TMEM255B: variants seen among roughly 807,000 people sequenced by gnomAD.
The protein encoded by TMEM255B is transmembrane protein 255B, also known as family with sequence similarity 70, member B.
A neutral mutation model predicts 34.5 loss-of-function variants in TMEM255B; 35 were observed. The ratio of observed to expected loss-of-function variants is 1.01; its 90% CI spans 0.77 to 1.34. The LOEUF is 1.34. Ranked by LOEUF, TMEM255B falls within the 40% of genes most tolerant of loss-of-function variation. The pLI is 0.00. For missense variants in TMEM255B, 432 were observed against 433.2 expected (o/e 1.00, Z 0.02); for synonymous variants, 206 against 201.2 (o/e 1.02, Z -0.20).
chr13:113,810,891 C>A (rs901518906), intron 8 of TMEM255B, among the ~76,000 whole-genome samples: 2 of 152,174 alleles, frequency 1.3e-5, no homozygotes, highest in Non-Finnish European at 2.9e-5. Flanking sequence ...ATACGTGGGG[C>A]CTTTCCCAAA....
Position 113,812,900 on chromosome 13 carries a change from G to A in TMEM255B, c.*997G>A, listed in dbSNP as rs1355658400. 2.1e-4 allele frequency: 30 copies of A among 143,254 alleles called. No individual in the cohort carries two copies. The highest frequency in any genetic ancestry group is 8.2e-4 in the African/African-American group (30 of 36,618). The allele number at this position is 143,254 out of a possible 1,614,324, so 8.9% of individuals were successfully genotyped here. On this transcript the variant is annotated 3_prime_UTR_variant, in exon 9 of 9. Coordinates refer to ENST00000375353, the MANE Select transcript of TMEM255B (RefSeq NM_182614.4). The stretch of plus-strand genomic sequence containing the variant: ...CCCGAGTGGGTCACAGGCCCCGGGT[G>A]AGTCACAGGCCCCGGGTGAGTCACG...
chr13:113,807,623 G>A (rs530765174), intron 8 of TMEM255B, among the ~76,000 whole-genome samples: 5 of 138,858 alleles, frequency 3.6e-5, no homozygotes, highest in East Asian at 4.4e-4. Context: ...ACGGGATGTG[G>A]GGGGTGGTCC....
intron 2 of TMEM255B, 153 bp downstream of exon 2, chr13:113,766,410 C>T (rs1195119768): frequency 7.4e-6 from 8 of 1,077,732 alleles, no homozygotes; most frequent in Non-Finnish European, 1.1e-5. Flanking sequence ...CCCCCACAGA[C>T]ATGCACTTCC....
At chr13:113,800,301 C>CTGTGTGTGTGTGTGTGTG (rs1220505809) in intron 5 of TMEM255B, among the ~76,000 whole-genome samples, 36 of 97,096 alleles carry the variant, frequency 3.7e-4, no homozygotes, top group Admixed American at 5.3e-4. Context: ...GAGGCGTCCT[C>CTGTGTGTGTGTGTGTGTG]TGTGTGTGTG....
rs201375641 is a variant in TMEM255B at position 113,795,206 on chromosome 13, T to C, written c.311T>C (p.Ile104Thr). ...FGVVAAFCCA[I>T]VDGVFAAQHI... ...GTGGTGGCCGCCTTCTGCTGCGCCATCGTGGACGGCGTATTTGCAGCACAG... is the reference window on the plus strand; with the variant it reads ...GTGGTGGCCGCCTTCTGCTGCGCCACCGTGGACGGCGTATTTGCAGCACAG... The change falls in exon 4 of 9, where the codon ATC (isoleucine) becomes ACC (threonine). Residue 104 changes from isoleucine (I) to threonine (T), a missense_variant. Physicochemically the swap from Ile to Thr is moderately conservative, Grantham distance 89. Coordinates refer to ENST00000375353, the MANE Select transcript of TMEM255B (RefSeq NM_182614.4). 1.9e-6 allele frequency: 3 copies of C among 1,613,822 alleles called. No homozygotes were observed. The highest frequency in any genetic ancestry group is 2.7e-5 in the African/African-American group (2 of 74,934).
At chr13:113,799,818 G>T in intron 5 of TMEM255B, 1 of 636,422 alleles carries the variant, frequency 1.6e-6, no homozygotes, top group Non-Finnish European at 2.9e-6. Flanking sequence ...CTCTTTCCAG[G>T]TGAGTGAGAT....
At chr13:113,763,801 T>TA (rs2050345402) in intron 1 of TMEM255B, among the ~76,000 whole-genome samples, 1 of 152,272 alleles carries the variant, frequency 6.6e-6, no homozygotes, top group Non-Finnish European at 1.5e-5. Context: ...AGAATGTCGT[T>TA]ATCATCTTCC....
chr13:113,795,045 C>T (rs2050895887), intron 3 of TMEM255B, 103 bp from the exon 4 acceptor site: 1 of 1,018,662 alleles, frequency 9.8e-7, no homozygotes, highest in Non-Finnish European at 1.5e-6. Flanking sequence ...AGAGGCAGTT[C>T]TGTGAAAGAA....
chr13:113,761,856 G>A (rs966773503), intron 1 of TMEM255B, among the ~76,000 whole-genome samples: 11 of 152,054 alleles, frequency 7.2e-5, no homozygotes, highest in Non-Finnish European at 1.3e-4. Context: ...TCTGAGCCCC[G>A]GGAACCGGCG....
At position 113,807,606 on chromosome 13, in the gene TMEM255B, T is replaced by C. The variant is rs1228164611; in HGVS notation, c.813+2578T>C. Among the ~76,000 whole-genome samples the C allele has an allele frequency of 5.6e-4, 38 of 67,476 alleles. 1 individual carries two copies. Among genetic ancestry groups the C allele is most frequent in the East Asian group, 2.3e-3 (4 of 1,724 alleles). The allele number at this position is 67,476 out of a possible 152,430, so 44.3% of individuals were successfully genotyped here. A position where few individuals can be genotyped will look rare whatever the true frequency, so the allele number is the denominator to read the frequency against. On this transcript the variant is annotated intron_variant, in intron 8 of 8. Transcript: ENST00000375353. ...TGGGGGTGGTCCTCCCTGTCACACG[T>C]GGGCTTACGGGATGTGGGGGGTGGT... is the stretch of plus-strand genomic sequence containing the variant.
At chr13:113,802,215 A>G (rs1361663978) in intron 7 of TMEM255B, among the ~76,000 whole-genome samples, 2 of 152,162 alleles carry the variant, frequency 1.3e-5, no homozygotes, top group African/African-American at 4.8e-5. Flanking sequence ...CCATACAGCC[A>G]GGATTGGCCT....
At position 113,769,790 on chromosome 13, in the gene TMEM255B, A is replaced by C. The variant is rs553155747; in HGVS notation, c.252+630A>C. 1 of 152,400 alleles carries C rather than the reference A, an allele frequency of 6.6e-6. No homozygotes were observed. The highest frequency in any genetic ancestry group is 2.1e-4 in the South Asian group (1 of 4,808). 9.4% of individuals were successfully genotyped at this position (152,400 alleles called of 1,614,324 possible). ...ATAACTTTAAAAACAAAAACTGGCTAATTTTGTCAGTTCACGGTGGCAGCC... is the reference window on the plus strand; with the variant it reads ...ATAACTTTAAAAACAAAAACTGGCTCATTTTGTCAGTTCACGGTGGCAGCC... On this transcript the variant is annotated intron_variant, in intron 3 of 8. Coordinates refer to ENST00000375353, the MANE Select transcript of TMEM255B (RefSeq NM_182614.4). The surrounding 1 kb of genome is among the most constrained non-coding windows in gnomAD (Gnocchi z 4.2).
intron 3 of TMEM255B, among the ~76,000 whole-genome samples, chr13:113,777,341 A>C (rs1299438389): frequency 3.3e-5 from 5 of 152,102 alleles, no homozygotes; most frequent in African/African-American, 7.2e-5. Flanking sequence ...ATTTGAACCC[A>C]GACCCAGCCT....
chr13:113,776,964 G>T (rs548801016), intron 3 of TMEM255B, among the ~76,000 whole-genome samples: 1 of 152,140 alleles, frequency 6.6e-6, no homozygotes, highest in African/African-American at 2.4e-5. Context: ...AGGGTCACAG[G>T]TGCTTGGGCT....
Position 113,799,905 on chromosome 13 carries a change from CTG to C in TMEM255B, c.423+492_423+493del, listed in dbSNP as rs373992089. ...GGGCACAGCTCTGTGACGGCGCTCTCTGTGTGTCTCGCACCTGCCCTGTGTGG... is the reference window on the plus strand; with the variant it reads ...GGGCACAGCTCTGTGACGGCGCTCTCTGTGTCTCGCACCTGCCCTGTGTGG... On this transcript the variant is annotated intron_variant, in intron 5 of 8. Transcript: ENST00000375353. 788 of 1,233,814 alleles carry C rather than the reference CTG, an allele frequency of 6.4e-4. 8 individuals are homozygous for C. The African/African-American group carries it at 0.011, about 17-fold the overall frequency. The allele number at this position is 1,233,814 out of a possible 1,614,324, so 76.4% of individuals were successfully genotyped here. A position where few individuals can be genotyped will look rare whatever the true frequency, so the allele number is the denominator to read the frequency against.
At chr13:113,810,481 C>A (rs2051277577) in intron 8 of TMEM255B, among the ~76,000 whole-genome samples, 1 of 152,150 alleles carries the variant, frequency 6.6e-6, no homozygotes, top group African/African-American at 2.4e-5. Flanking sequence ...AGTCAGGGCT[C>A]TCTAGGGAAG....
intron 3 of TMEM255B, among the ~76,000 whole-genome samples, chr13:113,786,361 T>C (rs925175010): frequency 6.7e-6 from 1 of 149,992 alleles, no homozygotes; most frequent in Non-Finnish European, 1.5e-5. Context: ...TCACTGTAAT[T>C]ACCGTCTTCA....
rs1456980946 is a variant in TMEM255B at position 113,812,823 on chromosome 13, A to AGTGGGTCACAGGTCCCGG, written c.*933_*950dup. On this transcript the variant is annotated 3_prime_UTR_variant, in exon 9 of 9. Coordinates refer to ENST00000375353, the MANE Select transcript of TMEM255B (RefSeq NM_182614.4). Reference sequence around the variant, plus strand: ...GGTCTCAGGTGGGTCACAGGTCCTGAGTGGGTCACAGGTCCCGGGTGGGTC... The same window carrying AGTGGGTCACAGGTCCCGG: ...GGTCTCAGGTGGGTCACAGGTCCTGAGTGGGTCACAGGTCCCGGGTGGGTCACAGGTCCCGGGTGGGTC... 2.7e-5 allele frequency: 3 copies of AGTGGGTCACAGGTCCCGG among 111,424 alleles called. No individual in the cohort carries two copies. Among genetic ancestry groups the AGTGGGTCACAGGTCCCGG allele is most frequent in the African/African-American group, 8.0e-5 (2 of 25,078 alleles). The allele number at this position is 111,424 out of a possible 1,614,324, so 6.9% of individuals were successfully genotyped here.
At position 113,814,231 on chromosome 13, in the gene TMEM255B, C is replaced by A. The variant is rs1449471274; in HGVS notation, c.*2328C>A. The A allele has an allele frequency of 6.6e-6, 1 of 152,250 alleles. No homozygotes were observed. The highest frequency in any genetic ancestry group is 1.5e-5 in the Non-Finnish European group (1 of 68,060). The allele number at this position is 152,250 out of a possible 1,614,324, so 9.4% of individuals were successfully genotyped here. On this transcript the variant is annotated 3_prime_UTR_variant, in exon 9 of 9. Coordinates refer to ENST00000375353, the MANE Select transcript of TMEM255B (RefSeq NM_182614.4). ...ACAGCAGAGAAGCTGAACTGCAGGTCTGGGCAGGGAGTCTATGCCCCCTGG... is the reference window on the plus strand; with the variant it reads ...ACAGCAGAGAAGCTGAACTGCAGGTATGGGCAGGGAGTCTATGCCCCCTGG...
Sources: allele counts gnomAD v4.1 joint callset (sites outside exome capture counted in the v4.1 genomes callset), GRCh38; gene constraint gnomAD v4.1.1; non-coding constraint Gnocchi (gnomAD v3.1); transcripts MANE v1.5; gene names NCBI Gene and HGNC (gene_info 2026-07-23, HGNC 2026-07-21).